The following JAK1 variants were observed in gnomAD, a reference collection of about 807,000 sequenced individuals.
The protein encoded by JAK1 is tyrosine-protein kinase JAK1.
JAK1 carries 16 observed loss-of-function variants against 136.6 expected under a neutral mutation model. That is an observed-to-expected ratio of 0.12 (90% CI 0.08 to 0.18). The LOEUF (loss-of-function observed/expected upper bound fraction) is 0.18. Among genes scored for constraint, JAK1 ranks in the 10% least tolerant of loss-of-function variants. The pLI, the probability that JAK1 is intolerant of heterozygous loss-of-function variation, is 1.00. For missense variants in JAK1, 859 were observed against 1,450.1 expected (o/e 0.59, Z 6.62); for synonymous variants, 492 against 519.5 (o/e 0.95, Z 0.72).
chr1:64,914,981 C>T (rs61784743), intron 1 of JAK1, among the ~76,000 whole-genome samples: 7,964 of 152,194 alleles, frequency 0.052, 446 homozygotes, highest in African/African-American at 0.13. Context: ...AAAAAAAGCT[C>T]TCTGATTTTT....
rs1654256002 is a variant in JAK1 at position 64,833,441 on chromosome 1, G to A, written c.*1121C>T. On this transcript the variant is annotated 3_prime_UTR_variant, in exon 25 of 25. Transcript: ENST00000342505. Reference sequence around the variant, plus strand: ...AAACAGCATAACAAAAAGATTTTCAGACTCTTGGTCATAAAGACCGTAATC... The same window carrying A: ...AAACAGCATAACAAAAAGATTTTCAAACTCTTGGTCATAAAGACCGTAATC... The A allele has an allele frequency of 4.3e-6, 1 of 232,910 alleles. No individual in the cohort carries two copies. Among genetic ancestry groups the A allele is most frequent in the Admixed American group, 5.6e-5 (1 of 17,762 alleles). The allele number at this position is 232,910 out of a possible 1,614,324, so 14.4% of individuals were successfully genotyped here.
chr1:64,875,044 T>C (rs1479635078), intron 4 of JAK1, among the ~76,000 whole-genome samples: 1 of 152,214 alleles, frequency 6.6e-6, no homozygotes, highest in Non-Finnish European at 1.5e-5. Flanking sequence ...TTACAAGTTA[T>C]ATTTCTCAAC....
intron 19 of JAK1, among the ~76,000 whole-genome samples, chr1:64,840,855 A>T (rs1170162947): frequency 6.6e-6 from 1 of 151,848 alleles, no homozygotes; most frequent in Non-Finnish European, 1.5e-5. Context: ...AAAAGAGAGA[A>T]GCTTACAGGA....
At chr1:65,018,155 T>C (rs1378544864) in intron 2 of JAK1, among the ~76,000 whole-genome samples, 1 of 152,094 alleles carries the variant, frequency 6.6e-6, no homozygotes, top group Non-Finnish European at 1.5e-5. Context: ...TAAAAATTAC[T>C]TCATATCAAA....
chr1:64,995,985 C>A (rs1646700446), intron 2 of JAK1, among the ~76,000 whole-genome samples: 2 of 152,148 alleles, frequency 1.3e-5, no homozygotes, highest in Non-Finnish European at 2.9e-5. Flanking sequence ...GCAATCCACC[C>A]ACCCATTTCG....
intron 1 of JAK1, among the ~76,000 whole-genome samples, chr1:65,067,239 G>A (rs1648096125): frequency 6.6e-6 from 1 of 150,492 alleles, no homozygotes; most frequent in Middle Eastern, 3.3e-3. Flanking sequence ...GCAGGCGCTA[G>A]GCGCTGGGCA....
intron 24 of JAK1, among the ~76,000 whole-genome samples, chr1:64,834,862 G>C (rs1654371506): frequency 1.3e-5 from 2 of 152,164 alleles, no homozygotes; most frequent in African/African-American, 2.4e-5. Context: ...CATTTGAGAA[G>C]CTCAAGGGTT....
chr1:64,897,295 T>C (rs988845567), intron 1 of JAK1, among the ~76,000 whole-genome samples: 2 of 150,728 alleles, frequency 1.3e-5, no homozygotes, highest in Non-Finnish European at 3.0e-5. Context: ...CCAGGTGTGG[T>C]GGTGAGCACC....
chr1:64,877,407 AG>A (rs1426738233), intron 4 of JAK1, among the ~76,000 whole-genome samples: 3 of 152,160 alleles, frequency 2.0e-5, no homozygotes, highest in African/African-American at 7.2e-5. Context: ...TACAGAGTCA[AG>A]GTGCTAAAAG....
chr1:65,057,359 G>A (rs1647593141), intron 1 of JAK1, among the ~76,000 whole-genome samples: 3 of 152,176 alleles, frequency 2.0e-5, no homozygotes, highest in South Asian at 2.1e-4. Context: ...TTCACCCCCA[G>A]CAGTACTCTC....
intron 1 of JAK1, among the ~76,000 whole-genome samples, chr1:64,944,731 C>A (rs1437059805): frequency 1.3e-5 from 2 of 152,070 alleles, no homozygotes; most frequent in African/African-American, 4.8e-5. Flanking sequence ...CAGTATATAA[C>A]CACCATTTAT....
At chr1:65,020,187 T>C (rs886237058) in intron 2 of JAK1, among the ~76,000 whole-genome samples, 2 of 140,240 alleles carry the variant, frequency 1.4e-5, no homozygotes, top group African/African-American at 5.5e-5. Context: ...ATCACGCCAT[T>C]GCACTCCAGC....
intron 1 of JAK1, among the ~76,000 whole-genome samples, chr1:65,061,002 C>T (rs909670552): frequency 2.6e-5 from 4 of 152,132 alleles, no homozygotes; most frequent in African/African-American, 9.7e-5. Context: ...TGATTTTAAA[C>T]TACTTCTTCT....
At chr1:64,849,386 G>C (rs1227846431) in intron 12 of JAK1, among the ~76,000 whole-genome samples, 1 of 152,136 alleles carries the variant, frequency 6.6e-6, no homozygotes, top group Admixed American at 6.5e-5. Context: ...AGTAGAGATG[G>C]GATCTCATTG....
upstream of JAK1, among the ~76,000 whole-genome samples, chr1:64,971,325 T>C (rs1260557738): frequency 6.6e-6 from 1 of 152,232 alleles, no homozygotes; most frequent in Non-Finnish European, 1.5e-5. Context: ...TCAATGTTTC[T>C]ATACAAGTCT....
At chr1:65,031,172 A>C (rs1003108657) in intron 2 of JAK1, among the ~76,000 whole-genome samples, 4 of 151,772 alleles carry the variant, frequency 2.6e-5, no homozygotes, top group Non-Finnish European at 5.9e-5. Flanking sequence ...AAAAAAAAAA[A>C]AAAAGGAAAA....
intron 1 of JAK1, chr1:64,942,410 A>AT (rs1645906172): frequency 6.6e-6 from 1 of 152,210 alleles, no homozygotes; most frequent in Non-Finnish European, 1.5e-5. Flanking sequence ...AAGGTAATAA[A>AT]CATGATAACT....
Position 64,844,711 on chromosome 1 carries a change from C to T in JAK1, c.2251+43G>A, listed in dbSNP as rs758749723. ...CAGCCCTTCTCTCTGCTGACTTGCCCCTGACTCGGGGTGGGGCCAGAGGGA... is the reference window on the plus strand; with the variant it reads ...CAGCCCTTCTCTCTGCTGACTTGCCTCTGACTCGGGGTGGGGCCAGAGGGA... On this transcript the variant is annotated intron_variant, in intron 16 of 24. Coordinates refer to ENST00000342505, the MANE Select transcript of JAK1 (RefSeq NM_002227.4). The surrounding 1 kb of genome is among the most constrained non-coding windows in gnomAD (Gnocchi z 5.7). The T allele has an allele frequency of 8.1e-6, 13 of 1,612,792 alleles. No homozygotes were observed. Among genetic ancestry groups the T allele is most frequent in the Non-Finnish European group, 1.1e-5 (13 of 1,179,520 alleles).
chr1:64,962,047 G>A (rs764033143), intron 1 of JAK1, among the ~76,000 whole-genome samples: 1 of 152,068 alleles, frequency 6.6e-6, no homozygotes, highest in Non-Finnish European at 1.5e-5. Flanking sequence ...TGCCATGAAG[G>A]GTTCTAGGAA....
Sources: gnomAD v4.1 joint callset for allele counts (sites outside exome capture counted in the v4.1 genomes callset) on GRCh38, gnomAD v4.1.1 for gene constraint, Gnocchi (gnomAD v3.1) non-coding constraint, MANE v1.5 for transcripts, NCBI Gene and HGNC (gene_info 2026-07-23, HGNC 2026-07-21) for gene names.